MCTS1: variants seen among roughly 807,000 people sequenced by gnomAD.
MCTS1 encodes MCTS1 re-initiation and release factor, also known as malignant T-cell-amplified sequence 1.
For synonymous variants in MCTS1, 26 were observed against 40.8 expected (o/e 0.64, Z 1.38); for missense variants, 55 against 128.6 (o/e 0.43, Z 2.77).
rs1927013489 is a variant in MCTS1 at position 120,620,756 on chromosome X, G to C, written c.*8492G>C. Reference sequence around the variant, plus strand: ...TCCGGATCCAATGATTTAATTTTTGGGAAGAAAAATCCAGTGATTAAAGTC... The same window carrying C: ...TCCGGATCCAATGATTTAATTTTTGCGAAGAAAAATCCAGTGATTAAAGTC... On this transcript the variant is annotated 3_prime_UTR_variant, in exon 6 of 6. Transcript: ENST00000371317. 1 of 112,295 alleles carries C rather than the reference G, an allele frequency of 8.9e-6. No homozygotes were observed. Among genetic ancestry groups the C allele is most frequent in the African/African-American group, 3.2e-5 (1 of 30,916 alleles). The allele number at this position is 112,295 out of a possible 1,213,427, so 9.3% of individuals were successfully genotyped here.
chrX:120,604,296 TG>T, intron 1 of MCTS1, 49 bp downstream of exon 1: 2 of 921,152 alleles, frequency 2.2e-6, no homozygotes, highest in Non-Finnish European at 3.0e-6. Flanking sequence ...GGCGGTGGGG[TG>T]GGGGTGGGGA....
Position 120,613,926 on chromosome X carries a change from C to G in MCTS1, c.*1662C>G, listed in dbSNP as rs1316932232. ...AAAGACCATTTTTCTTCCTAATAACCTTGCTGTTATTCTAGTGTCTTAGCC... is the reference window on the plus strand; with the variant it reads ...AAAGACCATTTTTCTTCCTAATAACGTTGCTGTTATTCTAGTGTCTTAGCC... On this transcript the variant is annotated 3_prime_UTR_variant, in exon 6 of 6. Transcript: ENST00000371317. Among the ~76,000 whole-genome samples the G allele has an allele frequency of 8.9e-6, 1 of 112,497 alleles. No individual in the cohort carries two copies. Among genetic ancestry groups the G allele is most frequent in the Non-Finnish European group, 1.9e-5 (1 of 53,334 alleles).
chrX:120,607,051 CTAAG>C (rs937098968), intron 3 of MCTS1, among the ~76,000 whole-genome samples: 1 of 105,315 alleles, frequency 9.5e-6, no homozygotes, highest in Non-Finnish European at 1.9e-5. Flanking sequence ...AAAGCATTGA[CTAAG>C]TGTCCTTCCG....
At chrX:120,605,630 T>C in intron 2 of MCTS1, 71 bp downstream of exon 2, 2 of 994,520 alleles carry the variant, frequency 2.0e-6, no homozygotes, top group Non-Finnish European at 2.7e-6. Flanking sequence ...GCACTCATAC[T>C]AAATGGAATT....
chrX:120,606,677 G>T (rs1197751232), intron 3 of MCTS1, among the ~76,000 whole-genome samples: 1 of 109,528 alleles, frequency 9.1e-6, no homozygotes, highest in Non-Finnish European at 1.9e-5. Flanking sequence ...CCAGCTACTC[G>T]GGAGGCTGAG....
At chrX:120,606,644 C>T (rs747379009) in intron 3 of MCTS1, among the ~76,000 whole-genome samples, 1 of 110,963 alleles carries the variant, frequency 9.0e-6, no homozygotes, top group Non-Finnish European at 1.9e-5. Context: ...GTTAGCCGGG[C>T]GTGGTCACAG....
intron 5 of MCTS1, 91 bp downstream of exon 5, chrX:120,611,169 A>AT: frequency 1.3e-6 from 1 of 754,604 alleles, no homozygotes; most frequent in South Asian, 2.4e-5. Context: ...GCTATCATGC[A>AT]TACCACATTA....
intron 2 of MCTS1, among the ~76,000 whole-genome samples, 190 bp downstream of exon 2, chrX:120,605,749 CTT>C (rs1926516290): frequency 8.9e-6 from 1 of 111,977 alleles, no homozygotes; most frequent in Non-Finnish European, 1.9e-5. Flanking sequence ...AAAAATGTGG[CTT>C]TGTGTATTGA....
rs748756909 is a variant in MCTS1, at chrX:120,604,199, C to T, written c.-38C>T. On this transcript the variant is annotated 5_prime_UTR_variant, in exon 1 of 6. Transcript: ENST00000371317. The stretch of plus-strand genomic sequence containing the variant: ...TGCAAATTCAATTTCTTTCCCATTC[C>T]GGGCCCTTCCCTATCGTCGCCCCCT... 7 of 1,202,960 alleles carry T rather than the reference C, an allele frequency of 5.8e-6. No individual in the cohort carries two copies. Among genetic ancestry groups the T allele is most frequent in the East Asian group, 3.0e-5 (1 of 33,392 alleles).
chrX:120,604,700 T>C, intron 1 of MCTS1: 5 of 1,036,936 alleles, frequency 4.8e-6, no homozygotes, highest in Non-Finnish European at 6.2e-6. Flanking sequence ...GCAAGCGGCC[T>C]GTCATGCCTA....
intron 4 of MCTS1, chrX:120,610,759 G>A (rs1926666575): frequency 3.3e-6 from 1 of 304,517 alleles, no homozygotes; most frequent in East Asian, 4.7e-5. Context: ...TTAGCATGGG[G>A]TTATAGTATT....
In MCTS1 at chrX:120,605,540, C is replaced by T; in HGVS notation, c.145C>T (p.Pro49Ser). The T allele has an allele frequency of 8.3e-7, 1 of 1,200,064 alleles. No individual in the cohort carries two copies. Residue 49 changes from proline to serine, a missense_variant, in exon 2 of 6, where the codon CCT (proline) becomes TCT (serine). Physicochemically the swap from Pro to Ser is moderately conservative, Grantham distance 74 (BLOSUM62 -1). Transcript: ENST00000371317. The stretch of plus-strand genomic sequence containing the variant: ...TAATCAAATCATGCCTAAGAAAGAT[C>T]CTGTCAAAATAGTCCGATGGTAAGT... ...WLNQIMPKKD[P>S]VKIVRCHEHI... is the part of the protein sequence containing the mutation.
intron 2 of MCTS1, 33 bp from the exon 3 acceptor site, chrX:120,606,046 C>A (rs1926522310): frequency 1.2e-6 from 1 of 867,027 alleles, no homozygotes; most frequent in Non-Finnish European, 1.6e-6. Flanking sequence ...AAGAAAATAT[C>A]TAACTTGGTA....
intron 4 of MCTS1, 56 bp downstream of exon 4, chrX:120,608,414 A>G: frequency 9.1e-7 from 1 of 1,101,645 alleles, no homozygotes; most frequent in South Asian, 2.6e-5. Flanking sequence ...TCTTATCATT[A>G]CTGCGAAAGG....
At chrX:120,604,656 G>C in intron 1 of MCTS1, 1 of 1,032,007 alleles carries the variant, frequency 9.7e-7, no homozygotes, top group Non-Finnish European at 1.2e-6. Flanking sequence ...TGACTTCCTG[G>C]GTCATGGGAG....
rs1368473275 is a variant in MCTS1 at position 120,618,491 on chromosome X, AG to A, written c.*6228del. On this transcript the variant is annotated 3_prime_UTR_variant, in exon 6 of 6. Coordinates refer to ENST00000371317, the MANE Select transcript of MCTS1 (RefSeq NM_014060.3). ...GTTGACTTATCCAGGATTAAGAAAA[AG>A]TTTTCTTTTGCGTGACTAAATTCTT... Among the ~76,000 whole-genome samples the A allele has an allele frequency of 2.5e-4, 28 of 112,100 alleles. No homozygotes were observed. The highest frequency in any genetic ancestry group is 8.7e-4 in the African/African-American group (27 of 30,885).
At position 120,617,844 on chromosome X, in the gene MCTS1, A is replaced by G. The variant is rs1173457728; in HGVS notation, c.*5580A>G. ...GTGAGTAAAAGACTGGGTTTTAAGCAATAAATCATTTGTTCTAACTAAGCA... is the reference window on the plus strand; with the variant it reads ...GTGAGTAAAAGACTGGGTTTTAAGCGATAAATCATTTGTTCTAACTAAGCA... On this transcript the variant is annotated 3_prime_UTR_variant, in exon 6 of 6. Transcript: ENST00000371317. 1.5e-4 allele frequency among the ~76,000 whole-genome samples: 17 copies of G among 112,855 alleles called. No individual in the cohort carries two copies. Among genetic ancestry groups the G allele is most frequent in the Admixed American group, 1.4e-3 (15 of 10,662 alleles).
intron 4 of MCTS1, among the ~76,000 whole-genome samples, chrX:120,610,058 A>G (rs904945487): frequency 4.4e-5 from 5 of 112,405 alleles, no homozygotes; most frequent in Non-Finnish European, 5.6e-5. Flanking sequence ...GTGGTGGCTC[A>G]TGCCTGTAAT....
At chrX:120,604,450 G>A (rs1926476478) in intron 1 of MCTS1, 1 of 547,220 alleles carries the variant, frequency 1.8e-6, no homozygotes, top group African/African-American at 2.4e-5. Flanking sequence ...TTGGGTTTCA[G>A]TCCCTCCACT....
Sources: allele counts gnomAD v4.1 joint callset (sites outside exome capture counted in the v4.1 genomes callset), GRCh38; gene constraint gnomAD v4.1.1; transcripts MANE v1.5; gene names NCBI Gene and HGNC (gene_info 2026-07-23, HGNC 2026-07-21).